SLK: variants seen among roughly 807,000 people sequenced by gnomAD.
SLK encodes the protein STE20 like kinase.
A neutral mutation model predicts 147.7 loss-of-function variants in SLK; 67 were observed. The observed-to-expected ratio is 0.45, with a 90% CI of 0.37 to 0.56. SLK has a LOEUF of 0.56. SLK is among the 20% of genes least tolerant of loss of function. SLK has a pLI of 0.00. For missense variants in SLK, 1,136 were observed against 1,438.8 expected (o/e 0.79, Z 3.41); for synonymous variants, 441 against 475.0 (o/e 0.93, Z 0.93).
rs1446514970 is a variant in SLK at position 104,019,657 on chromosome 10, A to C, written c.3133-77A>C. 6.3e-6 allele frequency: 7 copies of C among 1,111,854 alleles called. No individual in the cohort carries two copies. In the African/African-American group the frequency reaches 1.1e-4, roughly 17 times the overall value. 68.9% of individuals were successfully genotyped at this position (1,111,854 alleles called of 1,614,324 possible). On this transcript the variant is annotated intron_variant, in intron 15 of 18. Coordinates refer to ENST00000369755, the MANE Select transcript of SLK (RefSeq NM_014720.4). ...GTAATTATAGGAAACAACAATAACAAAATGACATATTTGAATATGCATGTG... is the reference window on the plus strand; with the variant it reads ...GTAATTATAGGAAACAACAATAACACAATGACATATTTGAATATGCATGTG...
At chr10:104,022,815 C>T (rs1291032853) in intron 18 of SLK, among the ~76,000 whole-genome samples, 1 of 152,232 alleles carries the variant, frequency 6.6e-6, no homozygotes, top group African/African-American at 2.4e-5. Context: ...GCCATGTTGG[C>T]CAGGCTGGTC....
intron 1 of SLK, among the ~76,000 whole-genome samples, chr10:103,970,398 T>C (rs1376866418): frequency 4.6e-5 from 7 of 152,316 alleles, no homozygotes; most frequent in African/African-American, 7.2e-5. Flanking sequence ...AAGAGTCTTA[T>C]TTCATGTAGT....
At chr10:104,016,843 A>T (rs1395096714) in intron 13 of SLK, among the ~76,000 whole-genome samples, 2 of 152,152 alleles carry the variant, frequency 1.3e-5, no homozygotes, top group East Asian at 3.8e-4. Context: ...AATAGTTCCA[A>T]AATGCATCTT....
At chr10:104,016,129 T>C (rs906981911) in intron 13 of SLK, among the ~76,000 whole-genome samples, 5 of 152,056 alleles carry the variant, frequency 3.3e-5, no homozygotes, top group Admixed American at 1.3e-4. Flanking sequence ...CCATCCTGGC[T>C]ACCACGGTGA....
At chr10:104,005,535 CCTAA>C in intron 9 of SLK, 22 bp from the exon 10 acceptor site, 1 of 1,588,018 alleles carries the variant, frequency 6.3e-7, no homozygotes, top group Non-Finnish European at 8.5e-7. Context: ...TTGTACAAAG[CCTAA>C]CTAAAATAAA....
chr10:103,988,451 T>C (rs943594239), intron 1 of SLK, among the ~76,000 whole-genome samples: 6 of 136,674 alleles, frequency 4.4e-5, no homozygotes. Context: ...CCAAGGTAAT[T>C]GCCAAGGTCT....
chr10:104,017,327 G>C (rs1479922874), intron 13 of SLK, among the ~76,000 whole-genome samples: 1 of 152,040 alleles, frequency 6.6e-6, no homozygotes, highest in Non-Finnish European at 1.5e-5. Flanking sequence ...TCAAACTATT[G>C]TTCTTCTTTT....
At position 103,967,675 on chromosome 10, in the gene SLK, C is replaced by A; in HGVS notation, c.-71C>A. On this transcript the variant is annotated 5_prime_UTR_variant, in exon 1 of 19. Coordinates refer to ENST00000369755, the MANE Select transcript of SLK (RefSeq NM_014720.4). Reference sequence around the variant, plus strand: ...CGCCAGCCGGGCTCGCGCGGGAGAGCAGGGAAGAGAAACTTTGCCTTTTAT... The same window carrying A: ...CGCCAGCCGGGCTCGCGCGGGAGAGAAGGGAAGAGAAACTTTGCCTTTTAT... 1 of 1,461,886 alleles carries A rather than the reference C, an allele frequency of 6.8e-7. No homozygotes were observed. The highest frequency in any genetic ancestry group is 9.3e-7 in the Non-Finnish European group (1 of 1,075,400). The allele number at this position is 1,461,886 out of a possible 1,614,324, so 90.6% of individuals were successfully genotyped here.
intron 10 of SLK, 91 bp from the exon 11 acceptor site, chr10:104,005,821 C>G: frequency 6.6e-7 from 1 of 1,507,940 alleles, no homozygotes; most frequent in Non-Finnish European, 9.0e-7. Context: ...CCGTTCCACT[C>G]GAAAGAAAAT....
chr10:103,973,446 A>G (rs1843820641), intron 1 of SLK, among the ~76,000 whole-genome samples: 1 of 152,168 alleles, frequency 6.6e-6, no homozygotes, highest in African/African-American at 2.4e-5. Context: ...CTTCTTCAAC[A>G]TAGTTTAGTA....
chr10:104,023,247 A>G lies in SLK; in HGVS notation c.3561+1514A>G, dbSNP rs184095816. Among the ~76,000 whole-genome samples the G allele has an allele frequency of 7.2e-5, 11 of 152,300 alleles. No individual in the cohort carries two copies. The East Asian group carries it at 1.9e-3, about 27-fold the overall frequency. On this transcript the variant is annotated intron_variant, in intron 18 of 18. Coordinates refer to ENST00000369755, the MANE Select transcript of SLK (RefSeq NM_014720.4). ...GTCTCCTGAAATGTAGACATTTCTCAGTTTTGCCCCTGTAGTAAAGAACAG... is the reference window on the plus strand; with the variant it reads ...GTCTCCTGAAATGTAGACATTTCTCGGTTTTGCCCCTGTAGTAAAGAACAG...
intron 1 of SLK, among the ~76,000 whole-genome samples, chr10:103,973,443 A>G (rs1843820519): frequency 6.6e-6 from 1 of 152,224 alleles, no homozygotes; most frequent in South Asian, 2.1e-4. Context: ...CTGCTTCTTC[A>G]ACATAGTTTA....
chr10:104,021,013 C>A (rs1406497445), intron 17 of SLK, among the ~76,000 whole-genome samples: 1 of 152,038 alleles, frequency 6.6e-6, no homozygotes, highest in African/African-American at 2.4e-5. Context: ...AGTTTATTTT[C>A]TTCTAGGTTT....
intron 9 of SLK, 116 bp downstream of exon 9, chr10:104,003,643 T>C: frequency 1.2e-6 from 1 of 854,834 alleles, no homozygotes; most frequent in Non-Finnish European, 1.8e-6. Context: ...GTATTAACAA[T>C]ATAAATTCTT....
chr10:103,998,812 A>G, intron 4 of SLK, 87 bp from the exon 5 acceptor site: 1 of 839,248 alleles, frequency 1.2e-6, no homozygotes, highest in South Asian at 1.6e-5. Flanking sequence ...TAGCCTTATT[A>G]AAGACTTAAA....
At chr10:103,994,751 C>T (rs2134479015) in intron 4 of SLK, among the ~76,000 whole-genome samples, 1 of 152,300 alleles carries the variant, frequency 6.6e-6, no homozygotes, top group Admixed American at 6.5e-5. Context: ...AAACACTGAT[C>T]CATGGAACCT....
intron 8 of SLK, 48 bp downstream of exon 8, chr10:104,001,620 TGA>T (rs774277237): frequency 1.2e-6 from 2 of 1,601,986 alleles, no homozygotes; most frequent in Non-Finnish European, 1.7e-6. Context: ...AGTTCGGTTT[TGA>T]GGTGTAGTTG....
At chr10:103,989,847 A>G (rs2487996) in intron 1 of SLK, among the ~76,000 whole-genome samples, 34,528 of 152,076 alleles carry the variant, frequency 0.23, 4,526 homozygotes, top group African/African-American at 0.36. Flanking sequence ...TTATTACCCA[A>G]ATGAGTTGAA....
chr10:104,005,816 C>A, intron 10 of SLK, 96 bp from the exon 11 acceptor site: 1 of 1,491,842 alleles, frequency 6.7e-7, no homozygotes, highest in Non-Finnish European at 9.1e-7. Context: ...TACTACCGTT[C>A]CACTCGAAAG....
Sources: gnomAD v4.1 joint callset for allele counts (sites outside exome capture counted in the v4.1 genomes callset) on GRCh38, gnomAD v4.1.1 for gene constraint, MANE v1.5 for transcripts, NCBI Gene and HGNC (gene_info 2026-07-23, HGNC 2026-07-21) for gene names.